The following GRIN2A variants were observed in gnomAD, a reference collection of about 807,000 sequenced individuals.
GRIN2A encodes the protein glutamate ionotropic receptor NMDA type subunit 2A, also known as glutamate receptor ionotropic, NMDA 2A.
In GRIN2A, 22 loss-of-function variants were observed where a neutral mutation model predicts 113.4. The ratio of observed to expected loss-of-function variants is 0.19; its 90% CI spans 0.14 to 0.28. The LOEUF is 0.28. GRIN2A is among the 10% of genes least tolerant of loss of function. The pLI, the probability that GRIN2A is intolerant of heterozygous loss-of-function variation, is 1.00. For synonymous variants in GRIN2A, 827 were observed against 738.4 expected (o/e 1.12, Z -1.94); for missense variants, 1,502 against 1,887.0 (o/e 0.80, Z 3.78).
chr16:9,936,427 C>T (rs1046334467), intron 3 of GRIN2A, among the ~76,000 whole-genome samples: 1 of 152,166 alleles, frequency 6.6e-6, no homozygotes, highest in Non-Finnish European at 1.5e-5. Flanking sequence ...ACGAGACAAG[C>T]TTTGAACCCA....
intron 4 of GRIN2A, among the ~76,000 whole-genome samples, chr16:9,855,746 G>T (rs776338722): frequency 6.6e-6 from 1 of 152,166 alleles, no homozygotes; most frequent in Non-Finnish European, 1.5e-5. Flanking sequence ...GGGCAGTCTT[G>T]CACCCAGGGT....
chr16:10,149,800 CATAA>C lies in GRIN2A; in HGVS notation c.414+30194_414+30197del, dbSNP rs2142287908. Among the ~76,000 whole-genome samples, 3 of 152,338 alleles carry C rather than the reference CATAA, an allele frequency of 2.0e-5. No homozygotes were observed. The East Asian group carries it at 5.8e-4, about 29-fold the overall frequency. On this transcript the variant is annotated intron_variant, in intron 2 of 12. Coordinates refer to ENST00000330684, the MANE Select transcript of GRIN2A (RefSeq NM_001134407.3). ...CATCCAGAGTAGTATTTTTTAAAGACATAAATAAAGTTAGGTCAATCCTTTGTTC... is the reference window on the plus strand; with the variant it reads ...CATCCAGAGTAGTATTTTTTAAAGACATAAAGTTAGGTCAATCCTTTGTTC...
chr16:10,154,057 C>T (rs1397313646), intron 2 of GRIN2A, among the ~76,000 whole-genome samples: 1 of 152,158 alleles, frequency 6.6e-6, no homozygotes, highest in Non-Finnish European at 1.5e-5. Flanking sequence ...GTTTTCCTCT[C>T]GTTCCAGGCA....
intron 9 of GRIN2A, among the ~76,000 whole-genome samples, chr16:9,829,211 T>G (rs1596471508): frequency 6.6e-6 from 1 of 152,186 alleles, no homozygotes; most frequent in Non-Finnish European, 1.5e-5. Context: ...CCAAATTAGA[T>G]CTGGAATCTT....
intron 2 of GRIN2A, among the ~76,000 whole-genome samples, chr16:9,970,238 A>G (rs1164668971): frequency 4.0e-5 from 6 of 149,176 alleles, no homozygotes; most frequent in African/African-American, 7.3e-5. Flanking sequence ...ACTATTCCAG[A>G]AAAAAATTGA....
intron 2 of GRIN2A, among the ~76,000 whole-genome samples, chr16:10,016,694 T>A (rs992041565): frequency 1.3e-5 from 2 of 152,150 alleles, no homozygotes; most frequent in African/African-American, 4.8e-5. Flanking sequence ...CCCCACTGGG[T>A]GATTATTCAT....
intron 2 of GRIN2A, among the ~76,000 whole-genome samples, chr16:10,146,954 T>C (rs2049453167): frequency 2.0e-5 from 3 of 152,166 alleles, no homozygotes; most frequent in Non-Finnish European, 4.4e-5. Context: ...TCCAGTGCAA[T>C]TGGAAATCCT....
intron 2 of GRIN2A, among the ~76,000 whole-genome samples, chr16:10,107,899 G>T (rs1009232614): frequency 2.0e-5 from 3 of 152,234 alleles, no homozygotes; most frequent in Non-Finnish European, 4.4e-5. Flanking sequence ...AACGTGCAAA[G>T]TGCCTGCTAC....
At chr16:10,038,204 G>C (rs1177473309) in intron 2 of GRIN2A, among the ~76,000 whole-genome samples, 6 of 152,156 alleles carry the variant, frequency 3.9e-5, no homozygotes, top group African/African-American at 1.4e-4. Flanking sequence ...TGTCCTCACA[G>C]TGGAAGGGTC....
chr16:10,164,678 T>A (rs1567343464), intron 2 of GRIN2A, among the ~76,000 whole-genome samples: 1 of 152,204 alleles, frequency 6.6e-6, no homozygotes, highest in Non-Finnish European at 1.5e-5. Context: ...CTTCAAAATA[T>A]TTATTATTTT....
At chr16:10,036,449 C>CTTTTT (rs369821921) in intron 2 of GRIN2A, among the ~76,000 whole-genome samples, 7 of 45,984 alleles carry the variant, frequency 1.5e-4, no homozygotes, top group Non-Finnish European at 1.8e-4. Flanking sequence ...TTTTTTTTTT[C>CTTTTT]TTTTTTTTTT....
Position 9,905,870 on chromosome 16 carries a change from G to A in GRIN2A, c.1008-14770C>T, listed in dbSNP as rs557657716. Reference sequence around the variant, plus strand: ...TTGTTGGCTCTAAACCAATGTAATAGTGACTCTCCTTCGTCGAGGAATGTT... The same window carrying A: ...TTGTTGGCTCTAAACCAATGTAATAATGACTCTCCTTCGTCGAGGAATGTT... On this transcript the variant is annotated intron_variant, in intron 3 of 12. Coordinates refer to ENST00000330684, the MANE Select transcript of GRIN2A (RefSeq NM_001134407.3). 8.1e-4 allele frequency among the ~76,000 whole-genome samples: 123 copies of A among 152,292 alleles called. 2 individuals are homozygous for A. The highest frequency in any genetic ancestry group is 2.8e-3 in the African/African-American group (118 of 41,560).
At chr16:10,074,961 T>C (rs951703294) in intron 2 of GRIN2A, among the ~76,000 whole-genome samples, 9 of 152,180 alleles carry the variant, frequency 5.9e-5, no homozygotes, top group Non-Finnish European at 1.0e-4. Flanking sequence ...AGTGCTATTA[T>C]ACATAGATAA....
chr16:10,061,445 T>C lies in GRIN2A; in HGVS notation c.414+118553A>G, dbSNP rs76084999. On this transcript the variant is annotated intron_variant, in intron 2 of 12. Coordinates refer to ENST00000330684, the MANE Select transcript of GRIN2A (RefSeq NM_001134407.3). ...CACCTGCCCGAATACTAAAATCCAA[T>C]GAATAGAGATTCCTGAGATTCCTTT... Among the ~76,000 whole-genome samples the C allele has an allele frequency of 8.3e-4, 127 of 152,364 alleles. 3 individuals are homozygous for C. In the East Asian group the frequency reaches 0.021, roughly 25 times the overall value.
At position 9,840,957 on chromosome 16, in the gene GRIN2A, C is replaced by G. The variant is rs1347544821; in HGVS notation, c.1476G>C (p.Val492=). ...TTACTTCACCGATCATTCCATTCCA[C>G]ACATTGTTAACTTTCTTGCCATGCT... ...NGKHGKKVNN[V]WNGMIGEVVY... Residue 492 remains valine (V), a synonymous_variant, in exon 6 of 13, where the codon GTG becomes GTC. Coordinates refer to ENST00000330684, the MANE Select transcript of GRIN2A (RefSeq NM_001134407.3). 1 of 1,614,000 alleles carries G rather than the reference C, an allele frequency of 6.2e-7. No individual in the cohort carries two copies.
chr16:10,144,168 C>T (rs140432215), intron 2 of GRIN2A, among the ~76,000 whole-genome samples: 226 of 152,198 alleles, frequency 1.5e-3, no homozygotes, highest in African/African-American at 5.0e-3. Context: ...ATTGCAAAAA[C>T]CACAATTACT....
At chr16:9,966,085 T>C (rs2045551651) in intron 2 of GRIN2A, among the ~76,000 whole-genome samples, 1 of 152,172 alleles carries the variant, frequency 6.6e-6, no homozygotes, top group South Asian at 2.1e-4. Flanking sequence ...AGAGAATTGA[T>C]CTGATTTGAC....
chr16:9,919,025 T>G (rs2044309428), intron 3 of GRIN2A, among the ~76,000 whole-genome samples: 1 of 151,872 alleles, frequency 6.6e-6, no homozygotes. Context: ...ATACAAAAGT[T>G]AGCCAGGCGT....
At chr16:10,040,778 C>G (rs2047152396) in intron 2 of GRIN2A, among the ~76,000 whole-genome samples, 1 of 152,248 alleles carries the variant, frequency 6.6e-6, no homozygotes, top group Non-Finnish European at 1.5e-5. Context: ...CAGCTGCGCT[C>G]CGACACTGCA....
Sources: allele counts gnomAD v4.1 joint callset (sites outside exome capture counted in the v4.1 genomes callset), GRCh38; gene constraint gnomAD v4.1.1; transcripts MANE v1.5; gene names NCBI Gene and HGNC (gene_info 2026-07-23, HGNC 2026-07-21).